The following RALGAPA2 variants were observed in gnomAD, a reference collection of about 807,000 sequenced individuals.
RALGAPA2 encodes the protein Ral GTPase activating protein catalytic subunit alpha 2.
In RALGAPA2, 139 loss-of-function variants were observed where a neutral mutation model predicts 230.4. The ratio of observed to expected loss-of-function variants is 0.60; its 90% confidence interval spans 0.53 to 0.69. The LOEUF is 0.69. Among genes scored for constraint, RALGAPA2 ranks in the 30% least tolerant of loss-of-function variants. RALGAPA2 has a pLI of 0.00. For missense variants in RALGAPA2, 2,163 were observed against 2,276.0 expected (o/e 0.95, Z 1.01); for synonymous variants, 847 against 837.8 (o/e 1.01, Z -0.19).
intron 1 of RALGAPA2, among the ~76,000 whole-genome samples, chr20:20,690,187 C>T (rs938182494): frequency 6.6e-6 from 1 of 152,128 alleles, no homozygotes; most frequent in Non-Finnish European, 1.5e-5. Context: ...TCACTGGAAA[C>T]ATGTGATATG....
rs377624731 is a variant in RALGAPA2 at position 20,407,476 on chromosome 20, C to T, written c.5617+4551G>A. Among the ~76,000 whole-genome samples the T allele has an allele frequency of 1.1e-4, 17 of 152,322 alleles. No homozygotes were observed. The East Asian group carries it at 1.5e-3, about 14-fold the overall frequency. The stretch of plus-strand genomic sequence containing the variant: ...CCTGTCAGGACTGCATGCGGAATGA[C>T]GAGCTGCATATGGCGCGGAGGCCTT... On this transcript the variant is annotated intron_variant, in intron 38 of 39. Transcript: ENST00000202677.
At chr20:20,631,254 C>T (rs1035443067) in intron 9 of RALGAPA2, among the ~76,000 whole-genome samples, 1 of 152,190 alleles carries the variant, frequency 6.6e-6, no homozygotes, top group African/African-American at 2.4e-5. Flanking sequence ...CATCAAGTAG[C>T]AGGCATCTGA....
chr20:20,430,812 G>A (rs531361845), intron 37 of RALGAPA2, among the ~76,000 whole-genome samples: 2 of 152,236 alleles, frequency 1.3e-5, no homozygotes, highest in East Asian at 3.9e-4. Flanking sequence ...TATACTCTAC[G>A]TAGACCCCAA....
At chr20:20,512,414 T>C (rs2062739739) in intron 32 of RALGAPA2, 99 bp downstream of exon 32, 1 of 1,225,844 alleles carries the variant, frequency 8.2e-7, no homozygotes, top group Non-Finnish European at 1.1e-6. Context: ...TTCTCCTCTC[T>C]TCCCCAATCT....
At chr20:20,564,230 C>G (rs890853390) in intron 23 of RALGAPA2, among the ~76,000 whole-genome samples, 7 of 152,198 alleles carry the variant, frequency 4.6e-5, no homozygotes, top group Admixed American at 4.6e-4. Context: ...ATCAAAGCCA[C>G]TCTAGTCATT....
intron 37 of RALGAPA2, among the ~76,000 whole-genome samples, chr20:20,459,084 C>T (rs141906148): frequency 3.3e-5 from 5 of 151,686 alleles, no homozygotes; most frequent in South Asian, 2.1e-4. Context: ...GTTTTGTTTC[C>T]GGCTATGAAA....
intron 1 of RALGAPA2, 75 bp from the exon 2 acceptor site, chr20:20,680,876 A>G: frequency 2.0e-6 from 3 of 1,500,328 alleles, no homozygotes; most frequent in Non-Finnish European, 2.7e-6. Flanking sequence ...ACTTCTCAGA[A>G]AAGAAGGCAA....
intron 3 of RALGAPA2, among the ~76,000 whole-genome samples, chr20:20,671,518 A>G (rs1185411340): frequency 6.6e-6 from 1 of 152,224 alleles, no homozygotes; most frequent in Non-Finnish European, 1.5e-5. Context: ...AGCAGCAACG[A>G]AGTTACTTAG....
At chr20:20,673,577 GA>G (rs542809234) in intron 3 of RALGAPA2, among the ~76,000 whole-genome samples, 1 of 148,460 alleles carries the variant, frequency 6.7e-6, no homozygotes, top group Non-Finnish European at 1.5e-5. Flanking sequence ...CTTGAATCAA[GA>G]AAAAAAAACC....
chr20:20,511,114 G>A, intron 33 of RALGAPA2, 140 bp downstream of exon 33: 1 of 1,378,568 alleles, frequency 7.3e-7, no homozygotes, highest in Non-Finnish European at 9.7e-7. Context: ...GGTATGGCAT[G>A]CGCAAATGTC....
chr20:20,511,143 G>C (rs1441771058), intron 33 of RALGAPA2, 111 bp downstream of exon 33: 1 of 1,492,148 alleles, frequency 6.7e-7, no homozygotes. Flanking sequence ...CTAGGTTACA[G>C]AACTACCCTT....
chr20:20,577,953 T>C (rs912751672), intron 20 of RALGAPA2, among the ~76,000 whole-genome samples: 4 of 152,136 alleles, frequency 2.6e-5, no homozygotes, highest in South Asian at 2.1e-4. Flanking sequence ...TGTAGACAGA[T>C]ACCTCATCAT....
chr20:20,465,149 TCACACACACACACACACACACACA>T (rs74180992), intron 37 of RALGAPA2, among the ~76,000 whole-genome samples: 14 of 109,210 alleles, frequency 1.3e-4, no homozygotes, highest in Admixed American at 2.9e-4. Context: ...CCGCAGGCCT[TCACACACACACACACACACACACA>T]CACACACACA....
rs762053546 is a variant in RALGAPA2, at chr20:20,513,141, G to T, written c.4228C>A (p.His1410Asn). 6.4e-7 allele frequency: 1 copy of T among 1,562,702 alleles called. No individual in the cohort carries two copies. Among genetic ancestry groups the T allele is most frequent in the Non-Finnish European group, 8.6e-7 (1 of 1,157,964 alleles). ...AAGGACAGCTCGGAGCCTTCCACAT[G>T]GGCATTGTCATGGTTCTCGCTGACA... ...SLVSENHDNA[H>N]VEGSELSFEV... is the part of the protein sequence containing the mutation. Residue 1410 changes from histidine to asparagine, a missense_variant, in exon 32 of 40, where the codon CAT becomes AAT. His to Asn is a moderately conservative substitution (Grantham distance 68, BLOSUM62 1). Transcript: ENST00000202677.
chr20:20,534,211 G>A (rs1173937427), intron 26 of RALGAPA2, among the ~76,000 whole-genome samples: 3 of 152,176 alleles, frequency 2.0e-5, no homozygotes, highest in South Asian at 2.1e-4. Flanking sequence ...TTGGGAGGCT[G>A]AGGCAGGCAG....
chr20:20,485,467 G>T (rs1361673874), intron 36 of RALGAPA2, among the ~76,000 whole-genome samples: 1 of 152,132 alleles, frequency 6.6e-6, no homozygotes, highest in African/African-American at 2.4e-5. Flanking sequence ...TATTTAAGAC[G>T]ACTGACATGT....
At chr20:20,710,681 A>G (rs1406854475) in intron 1 of RALGAPA2, among the ~76,000 whole-genome samples, 1 of 152,226 alleles carries the variant, frequency 6.6e-6, no homozygotes, top group East Asian at 1.9e-4. Context: ...TGAAACTACA[A>G]TTTTACAAAC....
At chr20:20,670,542 G>A (rs1053772019) in intron 3 of RALGAPA2, among the ~76,000 whole-genome samples, 2 of 151,918 alleles carry the variant, frequency 1.3e-5, no homozygotes, top group African/African-American at 4.8e-5. Flanking sequence ...AATTCATGTT[G>A]TGGAGTCCCA....
rs2063199281 is a variant in RALGAPA2 at position 20,526,246 on chromosome 20, A to C, written c.3693+6T>G. ...ATGTTTTAGTATTACAGAAAAAAAG[A>C]CTTACTTCTGCCATTTTCCGAGGCA... On this transcript the variant is annotated splice_donor_region_variant and intron_variant, in intron 28 of 39. Transcript: ENST00000202677. 2 of 1,546,168 alleles carry C rather than the reference A, an allele frequency of 1.3e-6. No homozygotes were observed. Among genetic ancestry groups the C allele is most frequent in the Non-Finnish European group, 1.8e-6 (2 of 1,125,930 alleles).
Sources: allele counts gnomAD v4.1 joint callset (sites outside exome capture counted in the v4.1 genomes callset), GRCh38; gene constraint gnomAD v4.1.1; transcripts MANE v1.5; gene names NCBI Gene and HGNC (gene_info 2026-07-23, HGNC 2026-07-21).